Variants in POTEM observed in about 807,000 individuals in gnomAD.
The protein encoded by POTEM is POTE ankyrin domain family member M.
For missense variants in POTEM, 24 were observed against 343.0 expected (o/e 0.07, Z 7.35); for synonymous variants, 8 against 113.2 (o/e 0.07, Z 5.90).
intron 4 of POTEM, 122 bp from the exon 5 acceptor site, chr14:18,977,344 T>G (rs1379249504): frequency 1.2e-6 from 1 of 853,934 alleles, no homozygotes; most frequent in Admixed American, 2.9e-5. Context: ...TGAAGATGCT[T>G]ATGTCTTTTA....
chr14:18,982,718 A>G (rs2138960585), intron 6 of POTEM, among the ~76,000 whole-genome samples: 1 of 83,536 alleles, frequency 1.2e-5, no homozygotes, highest in Non-Finnish European at 2.8e-5. Flanking sequence ...AGGAATCTCA[A>G]TTACTCGTTT....
intron 10 of POTEM, 85 bp downstream of exon 10, chr14:18,997,244 CA>C: frequency 2.4e-6 from 1 of 423,620 alleles, no homozygotes; most frequent in Admixed American, 4.6e-5. Flanking sequence ...ATTTTTAAGT[CA>C]TATATATGTG....
chr14:18,969,335 G>GTGTGCATATA lies in POTEM; in HGVS notation c.521+1330_521+1331insGTGCATATAT, dbSNP rs1890850267. Reference sequence around the variant, plus strand: ...TATATATGTATATATATATATATACGTATATACATATATATACATGTGTAT... The same window carrying GTGTGCATATA: ...TATATATGTATATATATATATATACGTGTGCATATATATATACATATATATACATGTGTAT... On this transcript the variant is annotated intron_variant, in intron 1 of 10. Coordinates refer to ENST00000547889, the MANE Select transcript of POTEM (RefSeq NM_001145442.1). Among the ~76,000 whole-genome samples the GTGTGCATATA allele has an allele frequency of 9.1e-4, 70 of 76,968 alleles. 1 individual carries two copies. The highest frequency in any genetic ancestry group is 1.3e-3 in the Non-Finnish European group (51 of 40,252). 50.5% of individuals were successfully genotyped at this position (76,968 alleles called of 152,430 possible). A position where few individuals can be genotyped will look rare whatever the true frequency, so the allele number is the denominator to read the frequency against.
At position 18,976,449 on chromosome 14, in the gene POTEM, CTTTATGACTCAGTAT is replaced by C. The variant is rs1303155294; in HGVS notation, c.917+296_917+310del. Among the ~76,000 whole-genome samples, 9 of 32,608 alleles carry C rather than the reference CTTTATGACTCAGTAT, an allele frequency of 2.8e-4. 2 individuals are homozygous for C. In the South Asian group the frequency reaches 6.3e-3, roughly 23 times the overall value. The allele number at this position is 32,608 out of a possible 152,430, so 21.4% of individuals were successfully genotyped here. A position where few individuals can be genotyped will look rare whatever the true frequency, so the allele number is the denominator to read the frequency against. On this transcript the variant is annotated intron_variant, in intron 4 of 10. Coordinates refer to ENST00000547889, the MANE Select transcript of POTEM (RefSeq NM_001145442.1). ...AAGTTTGAACTTTAATTTTAGTTTA[CTTTATGACTCAGTAT>C]TGAACTTCTTAACCCTTTCTAATAG...
chr14:18,969,357 GTA>G (rs201392796), intron 1 of POTEM, among the ~76,000 whole-genome samples: 14,748 of 104,846 alleles, frequency 0.14, 88 homozygotes, highest in East Asian at 0.27. Context: ...ATATACATGT[GTA>G]TATATATATA....
At chr14:18,968,717 G>A (rs564365225) in intron 1 of POTEM, among the ~76,000 whole-genome samples, 1 of 152,364 alleles carries the variant, frequency 6.6e-6, no homozygotes, top group African/African-American at 2.4e-5. Flanking sequence ...CAGCTACTCA[G>A]GAGGCTGAGG....
At position 18,987,151 on chromosome 14, in the gene POTEM, C is replaced by CT; in HGVS notation, c.1198-17dup. ...GAAATACAACAAGCAAATTAACCTT[C>CT]TGTTTTTGCATCTGCAGGAAATGTC... is the stretch of plus-strand genomic sequence containing the variant. On this transcript the variant is annotated splice_polypyrimidine_tract_variant and intron_variant, in intron 7 of 10. Transcript: ENST00000547889. 4.6e-6 allele frequency: 1 copy of CT among 215,194 alleles called. No homozygotes were observed. The allele number at this position is 215,194 out of a possible 1,614,324, so 13.3% of individuals were successfully genotyped here. A position where few individuals can be genotyped will look rare whatever the true frequency, so the allele number is the denominator to read the frequency against.
chr14:18,986,374 G>C (rs1176700860), intron 7 of POTEM, among the ~76,000 whole-genome samples: 4 of 139,618 alleles, frequency 2.9e-5, no homozygotes, highest in Non-Finnish European at 6.1e-5. Flanking sequence ...ATTGACCTCA[G>C]TGTTTCTGTT....
Position 18,969,321 on chromosome 14 carries a change from A to ATATATGTATATACGTATATATATATG in POTEM, c.521+1320_521+1321insGTATATACGTATATATATATGTATAT, listed in dbSNP as rs1594271319. 2.9e-5 allele frequency among the ~76,000 whole-genome samples: 3 copies of ATATATGTATATACGTATATATATATG among 103,440 alleles called. No individual in the cohort carries two copies. The East Asian group carries it at 7.9e-4, about 27-fold the overall frequency. 67.9% of individuals were successfully genotyped at this position (103,440 alleles called of 152,430 possible). On this transcript the variant is annotated intron_variant, in intron 1 of 10. Coordinates refer to ENST00000547889, the MANE Select transcript of POTEM (RefSeq NM_001145442.1). The stretch of plus-strand genomic sequence containing the variant: ...TATGTATATACGTATATATATGTAT[A>ATATATGTATATACGTATATATATATG]TATATATATATACGTATATACATAT...
chr14:18,986,034 A>G (rs2138963546), intron 7 of POTEM, among the ~76,000 whole-genome samples: 1 of 89,328 alleles, frequency 1.1e-5, no homozygotes, highest in African/African-American at 5.4e-5. Flanking sequence ...AACATAACCC[A>G]CTATGAAATT....
At chr14:18,969,277 A>G (rs1347556083) in intron 1 of POTEM, among the ~76,000 whole-genome samples, 1 of 132,860 alleles carries the variant, frequency 7.5e-6, no homozygotes, top group East Asian at 2.0e-4. Context: ...ATATGCAGAT[A>G]TATATACACA....
intron 1 of POTEM, among the ~76,000 whole-genome samples, chr14:18,969,406 G>A (rs1177887891): frequency 9.8e-6 from 1 of 102,380 alleles, no homozygotes; most frequent in Admixed American, 9.3e-5. Context: ...TTTTTTTGAT[G>A]GAGTCTCACT....
chr14:18,986,195 T>C (rs1296946299), intron 7 of POTEM, among the ~76,000 whole-genome samples: 1 of 141,760 alleles, frequency 7.1e-6, no homozygotes, highest in Non-Finnish European at 1.5e-5. Flanking sequence ...TAACATCAAT[T>C]ATTGGATTAT....
chr14:18,996,210 T>C (rs1386601015), intron 9 of POTEM, among the ~76,000 whole-genome samples: 5 of 151,546 alleles, frequency 3.3e-5, no homozygotes, highest in African/African-American at 1.2e-4. Context: ...TAACGATGAG[T>C]TTATTTCACA....
At chr14:18,969,291 A>G (rs1276007088) in intron 1 of POTEM, among the ~76,000 whole-genome samples, 1 of 118,112 alleles carries the variant, frequency 8.5e-6, no homozygotes, top group Non-Finnish European at 1.7e-5. Context: ...ATACACATGT[A>G]TATATATGTA....
At chr14:18,969,258 C>T (rs1473429143) in intron 1 of POTEM, among the ~76,000 whole-genome samples, 44 of 121,458 alleles carry the variant, frequency 3.6e-4, no homozygotes, top group African/African-American at 1.5e-3. Flanking sequence ...AACACAAGTG[C>T]CTATTTACAT....
chr14:18,969,317 G>GTA lies in POTEM; in HGVS notation c.521+1326_521+1327dup, dbSNP rs796722398. 9.8e-3 allele frequency among the ~76,000 whole-genome samples: 831 copies of GTA among 84,560 alleles called. 10 individuals are homozygous for GTA. The highest frequency in any genetic ancestry group is 0.035 in the African/African-American group (702 of 19,908). 55.5% of individuals were successfully genotyped at this position (84,560 alleles called of 152,430 possible). ...TATATATGTATATACGTATATATAT[G>GTA]TATATATATATATATACGTATATAC... is the stretch of plus-strand genomic sequence containing the variant. On this transcript the variant is annotated intron_variant, in intron 1 of 10. Transcript: ENST00000547889.
chr14:18,999,040 C>T lies in POTEM; in HGVS notation c.*375C>T, dbSNP rs1555342583. ...ATGGAGTCCTATGTGGGCAATGAGG[C>T]CCAGAGCAAGAGAGGCATCCTGACC... On this transcript the variant is annotated 3_prime_UTR_variant, in exon 11 of 11. Coordinates refer to ENST00000547889, the MANE Select transcript of POTEM (RefSeq NM_001145442.1). 2 of 210,314 alleles carry T rather than the reference C, an allele frequency of 9.5e-6. No individual in the cohort carries two copies. Among genetic ancestry groups the T allele is most frequent in the Non-Finnish European group, 1.7e-5 (2 of 114,596 alleles). The allele number at this position is 210,314 out of a possible 1,614,324, so 13.0% of individuals were successfully genotyped here.
At chr14:18,969,355 G>A (rs1256289232) in intron 1 of POTEM, among the ~76,000 whole-genome samples, 2 of 86,692 alleles carry the variant, frequency 2.3e-5, no homozygotes, top group African/African-American at 7.6e-5. Flanking sequence ...ATATATACAT[G>A]TGTATATATA....
Sources: allele counts gnomAD v4.1 joint callset (sites outside exome capture counted in the v4.1 genomes callset), GRCh38; gene constraint gnomAD v4.1.1; transcripts MANE v1.5; gene names NCBI Gene and HGNC (gene_info 2026-07-23, HGNC 2026-07-21).